The following ODAD2 variants were observed in gnomAD, a reference collection of about 807,000 sequenced individuals.
ODAD2 encodes outer dynein arm docking complex subunit 2.
Under a neutral mutation model 106.8 loss-of-function variants are expected in ODAD2, and 89 were observed. That is an observed-to-expected ratio of 0.83 (90% CI 0.70 to 0.99). The LOEUF is 0.99. ODAD2 is among the 50% of genes least tolerant of loss of function. The pLI is 0.00. For synonymous variants in ODAD2, 404 were observed against 436.2 expected (o/e 0.93, Z 0.92); for missense variants, 1,168 against 1,238.5 (o/e 0.94, Z 0.85).
intron 11 of ODAD2, among the ~76,000 whole-genome samples, 173 bp downstream of exon 11, chr10:27,944,643 G>T (rs544167624): frequency 5.9e-5 from 9 of 152,190 alleles, no homozygotes; most frequent in African/African-American, 2.2e-4. Context: ...AGCAAAAAAA[G>T]AAGAAAAGTA....
intron 16 of ODAD2, among the ~76,000 whole-genome samples, chr10:27,931,666 T>A (rs1356595680): frequency 6.6e-6 from 1 of 151,078 alleles, no homozygotes; most frequent in East Asian, 1.9e-4. Flanking sequence ...AATCTAATAC[T>A]TGCTTAAAAC....
intron 19 of ODAD2, among the ~76,000 whole-genome samples, chr10:27,828,958 G>A (rs72631844): frequency 0.031 from 4,735 of 152,168 alleles, 239 homozygotes; most frequent in East Asian, 0.21. Flanking sequence ...ATATGTATCT[G>A]TCTTCCAAAA....
intron 17 of ODAD2, among the ~76,000 whole-genome samples, chr10:27,904,621 T>G (rs1208313564): frequency 1.3e-5 from 2 of 152,272 alleles, no homozygotes; most frequent in African/African-American, 4.8e-5. Flanking sequence ...TCTGTCTGCC[T>G]GTTCACATGG....
At chr10:27,965,138 G>A (rs1848407239) in intron 9 of ODAD2, among the ~76,000 whole-genome samples, 1 of 152,158 alleles carries the variant, frequency 6.6e-6, no homozygotes, top group Admixed American at 6.5e-5. Flanking sequence ...GAAAGTGATA[G>A]TCAGTCAATG....
At chr10:27,939,828 C>T (rs1846258959) in intron 14 of ODAD2, 69 bp downstream of exon 14, 4 of 832,690 alleles carry the variant, frequency 4.8e-6, no homozygotes, top group Non-Finnish European at 7.2e-6. Context: ...AAGGAAACCA[C>T]ATGGTTAGAA....
chr10:27,935,053 T>C lies in ODAD2; in HGVS notation c.2452A>G (p.Thr818Ala). The change falls in exon 16 of 20, where the codon ACA becomes GCA. Residue 818 changes from threonine (T) to alanine (A), a missense_variant. By Grantham distance (58) the Thr-to-Ala change is moderately conservative. Coordinates refer to ENST00000305242, the MANE Select transcript of ODAD2 (RefSeq NM_018076.5). ...ACTGCACAAGCACCAACTGCTTTTG[T>C]AACATTCACAAGAAGAGCTTGGTTT... ...GINQALLVNV[T>A]KAVGACAVEP... The C allele has an allele frequency of 1.9e-6, 3 of 1,614,016 alleles. No individual in the cohort carries two copies. The highest frequency in any genetic ancestry group is 2.5e-6 in the Non-Finnish European group (3 of 1,179,872).
In ODAD2 at chr10:27,987,371, G is replaced by T. The variant is rs745370054; in HGVS notation, c.382+15C>A. The T allele has an allele frequency of 1.2e-6, 2 of 1,606,476 alleles. No homozygotes were observed. Among genetic ancestry groups the T allele is most frequent in the Non-Finnish European group, 1.7e-6 (2 of 1,176,478 alleles). On this transcript the variant is annotated intron_variant, in intron 3 of 19. Transcript: ENST00000305242. ...TTCTAAAAGTTCAAATCACAGACTG[G>T]AGCATTAAGATCACCTTCAACACAT...
chr10:27,884,714 G>A (rs1841957639), intron 17 of ODAD2, among the ~76,000 whole-genome samples: 1 of 152,158 alleles, frequency 6.6e-6, no homozygotes, highest in South Asian at 2.1e-4. Flanking sequence ...GGGGGCAAGA[G>A]ATTACAGGCA....
In ODAD2 at chr10:27,994,945, T is replaced by C. The variant is rs143338979; in HGVS notation, c.198A>G (p.Ser66=). ...TGACAACATAACCTGATTCAAATGC[T>C]GAGGGCGCCAAACTTGTGTTCCATT... The part of the protein sequence containing the change: ...PLEWNTSLAP[S]AFESGYVVSE... Residue 66 remains serine, a synonymous_variant, in exon 2 of 20, where the codon TCA becomes TCG. Transcript: ENST00000305242. 6.2e-7 allele frequency: 1 copy of C among 1,614,086 alleles called. No homozygotes were observed. The highest frequency in any genetic ancestry group is 8.5e-7 in the Non-Finnish European group (1 of 1,180,034).
At chr10:27,876,101 T>C (rs1589889955) in intron 17 of ODAD2, among the ~76,000 whole-genome samples, 1 of 152,146 alleles carries the variant, frequency 6.6e-6, no homozygotes, top group Non-Finnish European at 1.5e-5. Flanking sequence ...CCTGTCACTG[T>C]AGACTCCACA....
chr10:27,882,233 G>GAAAGAA (rs1451039386), intron 17 of ODAD2, among the ~76,000 whole-genome samples: 1 of 145,252 alleles, frequency 6.9e-6, no homozygotes, highest in African/African-American at 2.5e-5. Flanking sequence ...AAGAAAGAAA[G>GAAAGAA]AAATATGAAC....
At chr10:27,845,513 C>A (rs897916127) in intron 19 of ODAD2, among the ~76,000 whole-genome samples, 5 of 152,174 alleles carry the variant, frequency 3.3e-5, no homozygotes, top group African/African-American at 7.2e-5. Flanking sequence ...ACTGCATCAA[C>A]TAACAAGCAA....
In ODAD2 at chr10:27,940,762, T is replaced by C. The variant is rs772227784; in HGVS notation, c.1787A>G (p.Gln596Arg). 9 of 1,614,002 alleles carry C rather than the reference T, an allele frequency of 5.6e-6. No homozygotes were observed. In the East Asian group the frequency reaches 1.3e-4, roughly 24 times the overall value. ...GTCTCTGGCCTCATACAGACTCGATTGGGCAGGTTTTGTGGAATCATGTGC... is the reference window on the plus strand; with the variant it reads ...GTCTCTGGCCTCATACAGACTCGATCGGGCAGGTTTTGTGGAATCATGTGC... The part of the protein sequence containing the change: ...DCAHDSTKPA[Q>R]SSLYEARDVE... Residue 596 changes from glutamine (Q) to arginine (R), a missense_variant, in exon 13 of 20, where the codon CAA becomes CGA. Transcript: ENST00000305242.
intron 19 of ODAD2, among the ~76,000 whole-genome samples, chr10:27,814,213 C>T (rs533152127): frequency 3.3e-5 from 5 of 152,210 alleles, no homozygotes; most frequent in Non-Finnish European, 5.9e-5. Flanking sequence ...CTTCCTGACT[C>T]GCAGATTGAA....
intron 17 of ODAD2, among the ~76,000 whole-genome samples, chr10:27,903,176 T>C (rs888081935): frequency 1.3e-5 from 2 of 152,130 alleles, no homozygotes; most frequent in African/African-American, 2.4e-5. Context: ...ATCCATCACA[T>C]AAACAGAACC....
intron 19 of ODAD2, among the ~76,000 whole-genome samples, chr10:27,843,305 C>T (rs1838448912): frequency 6.6e-6 from 1 of 152,132 alleles, no homozygotes; most frequent in Non-Finnish European, 1.5e-5. Flanking sequence ...CGAGCTGAAT[C>T]AATAGTAATG....
intron 16 of ODAD2, among the ~76,000 whole-genome samples, chr10:27,916,737 A>G (rs937934075): frequency 1.3e-5 from 2 of 152,088 alleles, no homozygotes; most frequent in African/African-American, 4.8e-5. Flanking sequence ...AAATCAGTAT[A>G]TAACAACAAA....
chr10:27,831,904 GTCT>G, intron 19 of ODAD2, among the ~76,000 whole-genome samples: 2 of 152,256 alleles, frequency 1.3e-5, no homozygotes, highest in Non-Finnish European at 2.9e-5. Flanking sequence ...GCCATATGCA[GTCT>G]GTGAGGGCAC....
chr10:27,924,042 AGGAAAG>A (rs138253799), intron 16 of ODAD2, among the ~76,000 whole-genome samples: 13 of 136,162 alleles, frequency 9.5e-5, no homozygotes, highest in African/African-American at 4.2e-4. Flanking sequence ...GAAAGAAAGA[AGGAAAG>A]AGAAAGAAAG....
Sources: gnomAD v4.1 joint callset for allele counts (sites outside exome capture counted in the v4.1 genomes callset) on GRCh38, gnomAD v4.1.1 for gene constraint, MANE v1.5 for transcripts, NCBI Gene and HGNC (gene_info 2026-07-23, HGNC 2026-07-21) for gene names.